TMC1: variants seen among roughly 807,000 people sequenced by gnomAD.
TMC1 encodes transmembrane channel-like protein 1.
Under a neutral mutation model 105.8 loss-of-function variants are expected in TMC1, and 84 were observed. That is an observed-to-expected ratio of 0.79 (90% confidence interval 0.67 to 0.95). TMC1 has a LOEUF of 0.95. Among genes scored for constraint, TMC1 ranks in the 40% least tolerant of loss-of-function variants. TMC1 has a pLI of 0.00. For missense variants in TMC1, 817 were observed against 914.1 expected, an observed-to-expected ratio of 0.89 and a Z score of 1.37; for synonymous variants, 315 against 311.5, an observed-to-expected ratio of 1.01 and a Z score of -0.12.
At chr9:72,568,875 A>C (rs1253100584) in intron 1 of TMC1, among the ~76,000 whole-genome samples, 3 of 152,212 alleles carry the variant, frequency 2.0e-5, no homozygotes, top group Non-Finnish European at 4.4e-5. Context: ...AGACATTCCA[A>C]AAATTTTTTA....
intron 18 of TMC1, among the ~76,000 whole-genome samples, chr9:72,809,647 G>A (rs1487337391): frequency 6.6e-6 from 1 of 152,188 alleles, no homozygotes; most frequent in Non-Finnish European, 1.5e-5. Context: ...GGATATTTTT[G>A]TTTGGTATGC....
At chr9:72,532,372 C>T (rs186373285) in intron 1 of TMC1, among the ~76,000 whole-genome samples, 39 of 151,726 alleles carry the variant, frequency 2.6e-4, no homozygotes, top group Non-Finnish European at 1.0e-4. Context: ...GAAACCCCAT[C>T]TCTACTAAAA....
chr9:72,825,621 T>G (rs890746078), intron 20 of TMC1, among the ~76,000 whole-genome samples: 5 of 152,178 alleles, frequency 3.3e-5, no homozygotes, highest in Admixed American at 6.5e-5. Context: ...AGCTATGACC[T>G]GAGGTGCTGG....
intron 17 of TMC1, among the ~76,000 whole-genome samples, chr9:72,804,543 C>A (rs1828535922): frequency 6.6e-6 from 1 of 152,190 alleles, no homozygotes; most frequent in Admixed American, 6.5e-5. Flanking sequence ...GTCTCCCAAG[C>A]ATATTCAAAT....
At chr9:72,817,696 G>C (rs983593400) in intron 19 of TMC1, among the ~76,000 whole-genome samples, 1 of 152,172 alleles carries the variant, frequency 6.6e-6, no homozygotes, top group African/African-American at 2.4e-5. Flanking sequence ...TGTCAGAAAA[G>C]CTGTTATAAT....
chr9:72,740,762 T>C (rs1827375557), intron 9 of TMC1, among the ~76,000 whole-genome samples: 1 of 152,212 alleles, frequency 6.6e-6, no homozygotes, highest in Non-Finnish European at 1.5e-5. Context: ...ATAGATATTA[T>C]TATCTCCTCT....
chr9:72,748,666 A>T (rs1022471139), intron 10 of TMC1, among the ~76,000 whole-genome samples: 2 of 152,214 alleles, frequency 1.3e-5, no homozygotes, highest in African/African-American at 4.8e-5. Context: ...AGTTAACAAC[A>T]TCCGGTAGGA....
chr9:72,820,973 C>A lies in TMC1; in HGVS notation c.1895C>A (p.Ser632Ter). ...PEARVFKASR[S>*]NNFYLGMLLL... ...GCCAGGGTCTTCAAAGCTTCCAGAT[C>A]AAATAACTTCTACCTGGGCATGCTA... is the stretch of plus-strand genomic sequence containing the variant. The change falls in exon 20 of 24, where the codon TCA becomes TAA. Residue 632 changes from serine to a stop codon, truncating the protein, a stop_gained. Transcript: ENST00000297784. LOFTEE classifies it high-confidence loss of function. The A allele has an allele frequency of 1.2e-6, 2 of 1,614,158 alleles. No homozygotes were observed. Among genetic ancestry groups the A allele is most frequent in the Non-Finnish European group, 1.7e-6 (2 of 1,180,040 alleles).
intron 8 of TMC1, among the ~76,000 whole-genome samples, chr9:72,719,434 C>T (rs752831027): frequency 1.3e-5 from 2 of 152,194 alleles, no homozygotes; most frequent in African/African-American, 4.8e-5. Flanking sequence ...AAGGTCAAAT[C>T]TTTCTCTTGT....
At chr9:72,786,680 A>G (rs916973210) in intron 13 of TMC1, among the ~76,000 whole-genome samples, 4 of 152,276 alleles carry the variant, frequency 2.6e-5, no homozygotes, top group East Asian at 1.9e-4. Context: ...TCATGGCCAT[A>G]TCTCAATAAA....
chr9:72,716,409 C>T (rs921262480), intron 8 of TMC1, among the ~76,000 whole-genome samples: 2 of 152,204 alleles, frequency 1.3e-5, no homozygotes, highest in African/African-American at 4.8e-5. Flanking sequence ...GGGGGTTTTA[C>T]CTATGAGTCC....
At chr9:72,679,361 C>T (rs1826253427) in intron 5 of TMC1, among the ~76,000 whole-genome samples, 1 of 152,034 alleles carries the variant, frequency 6.6e-6, no homozygotes, top group South Asian at 2.1e-4. Context: ...AGGCCCCTCT[C>T]TCTTTTGCTT....
intron 1 of TMC1, among the ~76,000 whole-genome samples, chr9:72,565,954 A>G (rs943525911): frequency 1.3e-5 from 2 of 152,200 alleles, no homozygotes; most frequent in Non-Finnish European, 2.9e-5. Context: ...GACACAGCCA[A>G]ACTGTATCAG....
At chr9:72,824,528 A>G (rs1828922729) in intron 20 of TMC1, among the ~76,000 whole-genome samples, 2 of 152,194 alleles carry the variant, frequency 1.3e-5, no homozygotes, top group African/African-American at 4.8e-5. Flanking sequence ...GGGGCCAGGA[A>G]GGGCAGGTCA....
chr9:72,826,617 C>A (rs1316354784), intron 20 of TMC1, among the ~76,000 whole-genome samples: 1 of 152,100 alleles, frequency 6.6e-6, no homozygotes, highest in African/African-American at 2.4e-5. Flanking sequence ...TTTTAAAAAT[C>A]TTCTCCTAAA....
chr9:72,534,690 T>C (rs1185198128), intron 1 of TMC1, among the ~76,000 whole-genome samples: 1 of 152,226 alleles, frequency 6.6e-6, no homozygotes, highest in Non-Finnish European at 1.5e-5. Flanking sequence ...CCTGTGAGAA[T>C]GTCCAGTTTA....
At chr9:72,730,975 T>A (rs2589608) in intron 8 of TMC1, among the ~76,000 whole-genome samples, 34,430 of 152,152 alleles carry the variant, frequency 0.23, 4,191 homozygotes, top group East Asian at 0.39. Context: ...TAAATACAGA[T>A]GAAGCTTCAC....
chr9:72,672,509 A>G (rs959154456), intron 5 of TMC1, among the ~76,000 whole-genome samples: 2 of 152,102 alleles, frequency 1.3e-5, no homozygotes, highest in Non-Finnish European at 1.5e-5. Flanking sequence ...ATATCCAACT[A>G]TATCTTGCCT....
intron 17 of TMC1, among the ~76,000 whole-genome samples, chr9:72,804,853 T>C (rs569660136): frequency 1.3e-5 from 2 of 152,338 alleles, no homozygotes; most frequent in African/African-American, 4.8e-5. Context: ...TTTTATTATG[T>C]GGGGTTTCGG....
Sources: gnomAD v4.1 joint callset for allele counts (sites outside exome capture counted in the v4.1 genomes callset) on GRCh38, gnomAD v4.1.1 for gene constraint, MANE v1.5 for transcripts, NCBI Gene and HGNC (gene_info 2026-07-23, HGNC 2026-07-21) for gene names.